NRXN1: variants seen among roughly 807,000 people sequenced by gnomAD.
NRXN1 encodes neurexin 1.
A neutral mutation model predicts 150.9 loss-of-function variants in NRXN1; 39 were observed. The ratio of observed to expected loss-of-function variants is 0.26; its 90% CI spans 0.20 to 0.34. The LOEUF is 0.34. NRXN1 is among the 10% of genes least tolerant of loss of function. The pLI is 1.00. For synonymous variants in NRXN1, 924 were observed against 757.0 expected (o/e 1.22, Z -3.62); for missense variants, 1,815 against 1,949.9 (o/e 0.93, Z 1.30).
intron 21 of NRXN1, among the ~76,000 whole-genome samples, chr2:50,006,967 T>A (rs1684871772): frequency 1.3e-5 from 2 of 152,128 alleles, no homozygotes; most frequent in African/African-American, 4.8e-5. Flanking sequence ...TCTATGAAGA[T>A]GACTGAAGGA....
chr2:49,932,959 T>C (rs1670390236), intron 22 of NRXN1, among the ~76,000 whole-genome samples: 1 of 152,194 alleles, frequency 6.6e-6, no homozygotes, highest in Non-Finnish European at 1.5e-5. Context: ...CTACTAATAT[T>C]TTATATACTC....
At chr2:50,191,604 A>G (rs935754363) in intron 18 of NRXN1, among the ~76,000 whole-genome samples, 3 of 151,970 alleles carry the variant, frequency 2.0e-5, no homozygotes, top group Non-Finnish European at 4.4e-5. Flanking sequence ...CATCCTTGAG[A>G]CTTGTCAAAT....
intron 17 of NRXN1, among the ~76,000 whole-genome samples, chr2:50,412,355 A>T (rs1373541825): frequency 6.6e-6 from 1 of 151,680 alleles, no homozygotes; most frequent in Non-Finnish European, 1.5e-5. Flanking sequence ...ATAAATAATA[A>T]AAATAATCTT....
intron 5 of NRXN1, chr2:50,829,799 A>C: frequency 6.7e-7 from 1 of 1,495,088 alleles, no homozygotes; most frequent in Non-Finnish European, 9.0e-7. Flanking sequence ...TTATGAAGTA[A>C]CTTAACTTTT....
chr2:50,070,494 G>C (rs1203704635), intron 19 of NRXN1, among the ~76,000 whole-genome samples: 5 of 152,066 alleles, frequency 3.3e-5, no homozygotes, highest in Non-Finnish European at 7.4e-5. Context: ...AAGTGGGCCA[G>C]ACACGGTGGC....
chr2:50,824,828 C>T (rs1670225542), intron 5 of NRXN1, among the ~76,000 whole-genome samples: 1 of 152,094 alleles, frequency 6.6e-6, no homozygotes, highest in South Asian at 2.1e-4. Context: ...GGTGAGGCAG[C>T]TTTTCATTAG....
intron 14 of NRXN1, among the ~76,000 whole-genome samples, chr2:50,496,692 C>G (rs1211394216): frequency 6.6e-6 from 1 of 152,134 alleles, no homozygotes; most frequent in Non-Finnish European, 1.5e-5. Context: ...GGGTATGACT[C>G]ACAGTGGTAG....
chr2:50,330,565 TA>T (rs1347470561), intron 17 of NRXN1, among the ~76,000 whole-genome samples: 1 of 152,068 alleles, frequency 6.6e-6, no homozygotes, highest in African/African-American at 2.4e-5. Flanking sequence ...TTCTCTCCAT[TA>T]AAAAAATCCC....
At chr2:50,025,063 A>G (rs1476020831) in intron 21 of NRXN1, among the ~76,000 whole-genome samples, 2 of 152,202 alleles carry the variant, frequency 1.3e-5, no homozygotes, top group Non-Finnish European at 2.9e-5. Context: ...GATACTGTGA[A>G]GAGATACGCA....
chr2:50,807,887 A>G (rs933627103), intron 5 of NRXN1, among the ~76,000 whole-genome samples: 2 of 152,198 alleles, frequency 1.3e-5, no homozygotes, highest in Admixed American at 6.6e-5. Context: ...TAGAAAAAAT[A>G]TATTAAATAT....
chr2:50,174,112 A>G (rs893124995), intron 18 of NRXN1, among the ~76,000 whole-genome samples: 3 of 152,194 alleles, frequency 2.0e-5, no homozygotes, highest in African/African-American at 7.2e-5. Context: ...TTCTGATTAG[A>G]ATACTACTTC....
chr2:50,493,896 G>A (rs567216283), intron 15 of NRXN1, among the ~76,000 whole-genome samples: 1 of 152,198 alleles, frequency 6.6e-6, no homozygotes, highest in East Asian at 1.9e-4. Flanking sequence ...TTAATACTAT[G>A]TAATATGCCA....
chr2:50,970,252 T>C (rs1694796618), intron 2 of NRXN1, among the ~76,000 whole-genome samples: 2 of 152,258 alleles, frequency 1.3e-5, no homozygotes, highest in Admixed American at 6.5e-5. Flanking sequence ...ATAGGTTCTA[T>C]GGCTAGCCTT....
chr2:50,081,464 A>T (rs1397824160), intron 19 of NRXN1, among the ~76,000 whole-genome samples: 2 of 152,224 alleles, frequency 1.3e-5, no homozygotes, highest in African/African-American at 4.8e-5. Context: ...AGGCATGAGA[A>T]TTGTTTGAAC....
chr2:50,911,285 G>C (rs557371662), intron 5 of NRXN1, among the ~76,000 whole-genome samples: 6 of 151,786 alleles, frequency 4.0e-5, no homozygotes, highest in Non-Finnish European at 5.9e-5. Flanking sequence ...TTACAATCTC[G>C]TGTTCTTGTC....
At chr2:50,083,118 TGAAAG>T (rs1698209759) in intron 19 of NRXN1, among the ~76,000 whole-genome samples, 1 of 152,218 alleles carries the variant, frequency 6.6e-6, no homozygotes, top group African/African-American at 2.4e-5. Flanking sequence ...GAGAACTTTA[TGAAAG>T]TCACTGATAG....
At chr2:50,246,619 A>C (rs1376416094) in intron 17 of NRXN1, among the ~76,000 whole-genome samples, 1 of 152,140 alleles carries the variant, frequency 6.6e-6, no homozygotes, top group African/African-American at 2.4e-5. Flanking sequence ...TTTTTGACTC[A>C]GAAATTATCT....
chr2:50,766,857 G>GA (rs1702445897), intron 5 of NRXN1, among the ~76,000 whole-genome samples: 1 of 151,984 alleles, frequency 6.6e-6, no homozygotes, highest in African/African-American at 2.4e-5. Context: ...AGTAATTAGT[G>GA]AAAGTATTAC....
intron 2 of NRXN1, among the ~76,000 whole-genome samples, chr2:50,986,347 A>C (rs1697703345): frequency 6.6e-6 from 1 of 151,766 alleles, no homozygotes. Flanking sequence ...GAATAAATGT[A>C]TCCATGTGTG....
Sources: allele counts gnomAD v4.1 joint callset (sites outside exome capture counted in the v4.1 genomes callset), GRCh38; gene constraint gnomAD v4.1.1; transcripts MANE v1.5; gene names NCBI Gene and HGNC (gene_info 2026-07-23, HGNC 2026-07-21).